LRRIQ1: variants seen among roughly 807,000 people sequenced by gnomAD.
LRRIQ1 encodes leucine rich repeats and IQ motif containing 1.
In LRRIQ1, 210 loss-of-function variants were observed where a neutral mutation model predicts 211.9. The ratio of observed to expected loss-of-function variants is 0.99; its 90% confidence interval spans 0.89 to 1.11. The LOEUF is 1.11. Among genes scored for constraint, LRRIQ1 ranks in the 50% most tolerant of loss-of-function variants. The pLI is 0.00. For missense variants in LRRIQ1, 2,136 were observed against 1,939.5 expected, an observed-to-expected ratio of 1.10 and a Z score of -1.90; for synonymous variants, 699 against 650.1, an observed-to-expected ratio of 1.08 and a Z score of -1.14.
rs71076115 is a variant in LRRIQ1 at position 85,174,701 on chromosome 12, C to CAAAAAAAAAAAAAAAAAA, written c.4822+13992_4822+14009dup. Among the ~76,000 whole-genome samples, 198 of 21,560 alleles carry CAAAAAAAAAAAAAAAAAA rather than the reference C, an allele frequency of 9.2e-3. 23 individuals are homozygous for CAAAAAAAAAAAAAAAAAA. The highest frequency in any genetic ancestry group is 0.011 in the Non-Finnish European group (141 of 12,934). 14.1% of individuals were successfully genotyped at this position (21,560 alleles called of 152,430 possible). Reference sequence around the variant, plus strand: ...TGGGTGACAGAGCAAGAGTACAGCTCAAAAAAAAAAAAAAAAAAAAAATCT... The same window carrying CAAAAAAAAAAAAAAAAAA: ...TGGGTGACAGAGCAAGAGTACAGCTCAAAAAAAAAAAAAAAAAAAAAAAAAAAAAAAAAAAAAAAATCT... On this transcript the variant is annotated intron_variant, in intron 24 of 26. Coordinates refer to ENST00000393217, the MANE Select transcript of LRRIQ1 (RefSeq NM_001079910.2).
intron 15 of LRRIQ1, among the ~76,000 whole-genome samples, chr12:85,108,124 C>T (rs546451262): frequency 6.6e-6 from 1 of 152,112 alleles, no homozygotes; most frequent in African/African-American, 2.4e-5. Context: ...TTTATATTCC[C>T]AATGCTTAAT....
chr12:85,070,863 A>G (rs991212286), intron 10 of LRRIQ1, among the ~76,000 whole-genome samples: 1 of 151,940 alleles, frequency 6.6e-6, no homozygotes. Context: ...CAATGCCACT[A>G]TTACTATTTA....
rs149827490 is a variant in LRRIQ1, at chr12:85,137,605, G to C, written c.4210-245G>C. Among the ~76,000 whole-genome samples, 704 of 151,700 alleles carry C rather than the reference G, an allele frequency of 4.6e-3. 6 individuals are homozygous for C. Among genetic ancestry groups the C allele is most frequent in the African/African-American group, 0.016 (664 of 41,486 alleles). ...GATTGGTTGACCTACATGTGCAGTT[G>C]AGGGAGTTTTAAAGATTCTTTTTTG... On this transcript the variant is annotated intron_variant, in intron 18 of 26. Transcript: ENST00000393217.
intron 15 of LRRIQ1, among the ~76,000 whole-genome samples, chr12:85,116,177 C>G (rs1214964792): frequency 3.3e-5 from 5 of 152,226 alleles, no homozygotes; most frequent in Admixed American, 3.3e-4. Flanking sequence ...GAGTCTCGCT[C>G]TGTCGCCCAG....
At chr12:85,057,693 G>T (rs1400017633) in intron 8 of LRRIQ1, among the ~76,000 whole-genome samples, 1 of 152,036 alleles carries the variant, frequency 6.6e-6, no homozygotes, top group Admixed American at 6.6e-5. Flanking sequence ...CTATTTAAAG[G>T]TGGTGCATAT....
chr12:85,224,693 A>G (rs377110436), intron 24 of LRRIQ1, among the ~76,000 whole-genome samples: 1 of 130,562 alleles, frequency 7.7e-6, no homozygotes, highest in African/African-American at 2.9e-5. Context: ...ATGAGAACAT[A>G]TGGACACAGG....
chr12:85,142,114 G>T (rs954383271), intron 19 of LRRIQ1, among the ~76,000 whole-genome samples: 1 of 151,206 alleles, frequency 6.6e-6, no homozygotes, highest in African/African-American at 2.4e-5. Context: ...TTTTAAATAT[G>T]CCATTTTGTT....
chr12:85,103,528 T>C (rs1237213224), intron 13 of LRRIQ1, among the ~76,000 whole-genome samples: 1 of 151,778 alleles, frequency 6.6e-6, no homozygotes, highest in East Asian at 1.9e-4. Context: ...TGTTGAAAAG[T>C]AGTAATTTCT....
intron 10 of LRRIQ1, among the ~76,000 whole-genome samples, chr12:85,069,646 G>A (rs1882852168): frequency 6.6e-6 from 1 of 152,064 alleles, no homozygotes; most frequent in South Asian, 2.1e-4. Context: ...ACTGGTGTGA[G>A]ATGGTATCTC....
intron 24 of LRRIQ1, among the ~76,000 whole-genome samples, chr12:85,208,309 G>C (rs1029466497): frequency 6.6e-6 from 1 of 152,002 alleles, no homozygotes; most frequent in African/African-American, 2.4e-5. Context: ...TATCTATCTA[G>C]AGTAAGGAGG....
Position 85,056,156 on chromosome 12 carries a change from A to G in LRRIQ1, c.1363A>G (p.Thr455Ala). The G allele has an allele frequency of 6.3e-7, 1 of 1,596,616 alleles. No individual in the cohort carries two copies. Among genetic ancestry groups the G allele is most frequent in the Non-Finnish European group, 8.5e-7 (1 of 1,174,844 alleles). Residue 455 changes from threonine (T) to alanine (A), a missense_variant, in exon 8 of 27, where the codon ACT (threonine) becomes GCT (alanine). Coordinates refer to ENST00000393217, the MANE Select transcript of LRRIQ1 (RefSeq NM_001079910.2). The stretch of plus-strand genomic sequence containing the variant: ...TATGAAAGAAAATGTAGATAGACAG[A>G]CTATATTAAAAGAATCAATACAAGT... ...SNMKENVDRQ[T>A]ILKESIQVKL...
chr12:85,102,011 C>A (rs562374834), intron 13 of LRRIQ1, among the ~76,000 whole-genome samples: 45 of 151,682 alleles, frequency 3.0e-4, no homozygotes, highest in African/African-American at 1.1e-3. Flanking sequence ...ATTAATATTT[C>A]AAAATCCTTT....
intron 24 of LRRIQ1, among the ~76,000 whole-genome samples, chr12:85,161,563 T>C (rs1389964749): frequency 6.6e-6 from 1 of 152,184 alleles, no homozygotes; most frequent in East Asian, 1.9e-4. Flanking sequence ...AAGATTTAAA[T>C]AAATCTTAAA....
intron 25 of LRRIQ1, 129 bp downstream of exon 25, chr12:85,229,778 T>C: frequency 7.5e-6 from 6 of 803,106 alleles, no homozygotes; most frequent in Non-Finnish European, 1.2e-5. Context: ...TGCCGGGTAA[T>C]ACAAAGGCCT....
chr12:85,195,855 G>A (rs1266132350), intron 24 of LRRIQ1, among the ~76,000 whole-genome samples: 2 of 152,046 alleles, frequency 1.3e-5, no homozygotes, highest in African/African-American at 2.4e-5. Flanking sequence ...GAAATAGAGG[G>A]TATTCAATTA....
At chr12:85,039,638 T>C (rs1487990545) in intron 2 of LRRIQ1, among the ~76,000 whole-genome samples, 1 of 151,690 alleles carries the variant, frequency 6.6e-6, no homozygotes, top group African/African-American at 2.4e-5. Flanking sequence ...AAAATAAAGC[T>C]GGCTGTAAAT....
At chr12:85,047,222 A>G (rs376337290) in intron 5 of LRRIQ1, 25 bp from the exon 6 acceptor site, 27 of 1,507,470 alleles carry the variant, frequency 1.8e-5, no homozygotes, top group East Asian at 2.3e-5. Context: ...ACAAATGATG[A>G]TGTTATTTTT....
chr12:85,075,921 A>T (rs1883597672), intron 11 of LRRIQ1, among the ~76,000 whole-genome samples: 1 of 152,120 alleles, frequency 6.6e-6, no homozygotes, highest in Admixed American at 6.6e-5. Flanking sequence ...AAAGTAGATT[A>T]TCTAAAATTA....
At position 85,062,627 on chromosome 12, in the gene LRRIQ1, G is replaced by T. The variant is rs530900058; in HGVS notation, c.2392-2635G>T. Among the ~76,000 whole-genome samples, 5 of 150,362 alleles carry T rather than the reference G, an allele frequency of 3.3e-5. No individual in the cohort carries two copies. In the East Asian group the frequency reaches 9.8e-4, roughly 29 times the overall value. ...TGATGAGCATCTGGGTTGATTCCATGTCTTTGGTATTGTGAATGGTGCTGC... is the reference window on the plus strand; with the variant it reads ...TGATGAGCATCTGGGTTGATTCCATTTCTTTGGTATTGTGAATGGTGCTGC... On this transcript the variant is annotated intron_variant, in intron 8 of 26. Coordinates refer to ENST00000393217, the MANE Select transcript of LRRIQ1 (RefSeq NM_001079910.2).
Sources: allele counts gnomAD v4.1 joint callset (sites outside exome capture counted in the v4.1 genomes callset), GRCh38; gene constraint gnomAD v4.1.1; transcripts MANE v1.5; gene names NCBI Gene and HGNC (gene_info 2026-07-23, HGNC 2026-07-21).